CCSER1: variants seen among roughly 807,000 people sequenced by gnomAD.
CCSER1 encodes coiled-coil serine rich protein 1.
In CCSER1, 41 loss-of-function variants were observed where a neutral mutation model predicts 82.0. That is an observed-to-expected ratio of 0.50 (90% CI 0.39 to 0.65). The LOEUF (loss-of-function observed/expected upper bound fraction) is 0.65, where lower values mean the gene tolerates loss of function less well. Among genes scored for constraint, CCSER1 ranks in the 30% least tolerant of loss-of-function variants. The pLI is 0.00. For synonymous variants in CCSER1, 414 were observed against 383.9 expected (o/e 1.08, Z -0.92); for missense variants, 1,119 against 1,064.2 (o/e 1.05, Z -0.72).
chr4:91,300,395 A>G (rs1353634064), intron 10 of CCSER1, among the ~76,000 whole-genome samples: 1 of 151,908 alleles, frequency 6.6e-6, no homozygotes, highest in African/African-American at 2.4e-5. Context: ...AATAAAAGTA[A>G]TGTGTGTTCA....
intron 10 of CCSER1, among the ~76,000 whole-genome samples, chr4:91,372,963 G>A (rs375087965): frequency 1.6e-3 from 243 of 151,764 alleles, no homozygotes; most frequent in African/African-American, 5.7e-3. Context: ...CCTACATCAG[G>A]ATGTGGATCC....
At chr4:90,825,161 T>TATA (rs1258621037) in intron 8 of CCSER1, among the ~76,000 whole-genome samples, 3 of 152,340 alleles carry the variant, frequency 2.0e-5, no homozygotes, top group African/African-American at 7.2e-5. Flanking sequence ...ACAGCATGGA[T>TATA]ATAAGAAAAT....
intron 10 of CCSER1, among the ~76,000 whole-genome samples, chr4:91,212,774 A>T (rs967660026): frequency 9.2e-5 from 14 of 152,200 alleles, no homozygotes; most frequent in African/African-American, 2.9e-4. Context: ...GTACATGTGC[A>T]GGTTTGTTAC....
intron 8 of CCSER1, among the ~76,000 whole-genome samples, chr4:90,904,212 G>A (rs1725103076): frequency 6.6e-6 from 1 of 152,000 alleles, no homozygotes; most frequent in African/African-American, 2.4e-5. Flanking sequence ...AAAGACCATG[G>A]GGATGACTCA....
chr4:91,219,339 GTCTC>G (rs1737553464), intron 10 of CCSER1, among the ~76,000 whole-genome samples: 1 of 103,866 alleles, frequency 9.6e-6, no homozygotes, highest in African/African-American at 3.8e-5. Flanking sequence ...TTTTAAAACA[GTCTC>G]TCTCTGTCAC....
chr4:90,156,107 T>C (rs934771725), intron 1 of CCSER1, among the ~76,000 whole-genome samples: 3 of 152,244 alleles, frequency 2.0e-5, no homozygotes, highest in African/African-American at 7.2e-5. Context: ...AACATCTTTA[T>C]TTCTGCCTTC....
chr4:91,406,986 A>G (rs563847141), intron 10 of CCSER1, among the ~76,000 whole-genome samples: 5 of 152,318 alleles, frequency 3.3e-5, no homozygotes, highest in South Asian at 4.1e-4. Flanking sequence ...ATTGCAAAGC[A>G]GACAATCCTC....
intron 5 of CCSER1, among the ~76,000 whole-genome samples, chr4:90,488,324 A>G (rs1767446890): frequency 6.6e-6 from 1 of 151,986 alleles, no homozygotes. Flanking sequence ...AGTAGCTGGG[A>G]CTACAGGCAC....
At chr4:91,218,756 G>A (rs11933973) in intron 10 of CCSER1, among the ~76,000 whole-genome samples, 8,841 of 152,074 alleles carry the variant, frequency 0.058, 507 homozygotes, top group African/African-American at 0.15. Context: ...TAAGAATATC[G>A]ATAATATTGC....
intron 10 of CCSER1, among the ~76,000 whole-genome samples, chr4:91,209,652 A>C (rs535413337): frequency 3.3e-5 from 5 of 151,964 alleles, no homozygotes; most frequent in East Asian, 1.9e-4. Context: ...ACGTTAATCA[A>C]GAATATTAGC....
intron 10 of CCSER1, among the ~76,000 whole-genome samples, chr4:91,143,758 T>C (rs191690177): frequency 3.1e-4 from 47 of 152,268 alleles, no homozygotes; most frequent in African/African-American, 5.1e-4. Context: ...TTCAATTCTG[T>C]TTATGTGGTA....
At chr4:90,311,952 T>A (rs567124101) in intron 2 of CCSER1, among the ~76,000 whole-genome samples, 1 of 152,294 alleles carries the variant, frequency 6.6e-6, no homozygotes, top group East Asian at 1.9e-4. Context: ...TACTTTCCAC[T>A]GGGGATACTC....
At chr4:91,071,983 GT>G (rs1376234611) in intron 9 of CCSER1, among the ~76,000 whole-genome samples, 1 of 152,036 alleles carries the variant, frequency 6.6e-6, no homozygotes, top group Non-Finnish European at 1.5e-5. Flanking sequence ...GTTTATATTG[GT>G]GATTAGTCTC....
chr4:91,519,929 G>T (rs910616907), intron 10 of CCSER1, among the ~76,000 whole-genome samples: 1 of 152,120 alleles, frequency 6.6e-6, no homozygotes, highest in Non-Finnish European at 1.5e-5. Context: ...CAGCCATCTT[G>T]TCCCTTCCCC....
intron 9 of CCSER1, among the ~76,000 whole-genome samples, chr4:91,083,285 A>G (rs1184576036): frequency 6.6e-6 from 1 of 152,142 alleles, no homozygotes; most frequent in African/African-American, 2.4e-5. Context: ...GCTGGAAACC[A>G]TCCTTCTGAG....
chr4:90,901,502 G>A (rs1287145405), intron 8 of CCSER1, among the ~76,000 whole-genome samples: 2 of 151,958 alleles, frequency 1.3e-5, no homozygotes, highest in Non-Finnish European at 2.9e-5. Context: ...CTTAGCATTT[G>A]TTTGTCTATG....
At chr4:91,442,593 A>C (rs1368443575) in intron 10 of CCSER1, among the ~76,000 whole-genome samples, 10 of 138,794 alleles carry the variant, frequency 7.2e-5, no homozygotes, top group Admixed American at 6.7e-4. Flanking sequence ...CACCAAAAGC[A>C]ATGGCAACAA....
At chr4:90,441,274 A>T (rs1369034862) in intron 4 of CCSER1, among the ~76,000 whole-genome samples, 1 of 152,102 alleles carries the variant, frequency 6.6e-6, no homozygotes, top group Non-Finnish European at 1.5e-5. Flanking sequence ...TTTTTAGTTC[A>T]TCTTGCCATA....
chr4:91,420,305 G>T (rs1417805711), intron 10 of CCSER1, among the ~76,000 whole-genome samples: 2 of 152,122 alleles, frequency 1.3e-5, no homozygotes, highest in East Asian at 3.9e-4. Context: ...CTGATAATTG[G>T]TTGAAATATG....
Sources: gnomAD v4.1 joint callset for allele counts (sites outside exome capture counted in the v4.1 genomes callset) on GRCh38, gnomAD v4.1.1 for gene constraint, MANE v1.5 for transcripts, NCBI Gene and HGNC (gene_info 2026-07-23, HGNC 2026-07-21) for gene names.